RYR2: variants seen among roughly 807,000 people sequenced by gnomAD.
The protein encoded by RYR2 is cardiac muscle ryanodine receptor-calcium release channel.
In RYR2, 227 loss-of-function variants were observed where a neutral mutation model predicts 601.1. The observed-to-expected ratio is 0.38, with a 90% CI of 0.34 to 0.42. RYR2 has a LOEUF of 0.42. Ranked by LOEUF, RYR2 falls within the 10% of genes least tolerant of loss-of-function variation. The probability of loss-of-function intolerance (pLI) is 1.00; values close to 1 mark genes in which losing one functional copy is unlikely to be tolerated. For synonymous variants in RYR2, 2,223 were observed against 2,175.1 expected (o/e 1.02, Z -0.61); for missense variants, 4,646 against 6,156.5 (o/e 0.75, Z 8.21).
intron 12 of RYR2, among the ~76,000 whole-genome samples, chr1:237,434,619 T>G (rs761607657): frequency 1.3e-5 from 2 of 152,202 alleles, no homozygotes; most frequent in Non-Finnish European, 2.9e-5. Context: ...ATTTTTTAGC[T>G]TAAAATGCCA....
intron 1 of RYR2, among the ~76,000 whole-genome samples, chr1:237,119,409 CAT>C (rs1670514906): frequency 2.0e-5 from 3 of 152,102 alleles, no homozygotes; most frequent in Admixed American, 2.0e-4. Context: ...GGGAAAACTG[CAT>C]GTGTGTGTGT....
At chr1:237,222,721 C>T (rs1015764266) in intron 1 of RYR2, among the ~76,000 whole-genome samples, 3 of 151,984 alleles carry the variant, frequency 2.0e-5, no homozygotes, top group South Asian at 2.1e-4. Flanking sequence ...CCAGTAGTAC[C>T]GGCATTTTCT....
intron 101 of RYR2, among the ~76,000 whole-genome samples, chr1:237,826,920 CCCCTTCAA>C (rs2102907482): frequency 6.6e-6 from 1 of 152,308 alleles, no homozygotes; most frequent in East Asian, 1.9e-4. Flanking sequence ...TGCATCCAGA[CCCCTTCAA>C]CCACGGTGCT....
At chr1:237,178,056 TTAA>T (rs1242455278) in intron 1 of RYR2, among the ~76,000 whole-genome samples, 3 of 152,206 alleles carry the variant, frequency 2.0e-5, no homozygotes, top group Non-Finnish European at 4.4e-5. Flanking sequence ...TTGTCAGGCA[TTAA>T]TATTTTTGCT....
intron 2 of RYR2, among the ~76,000 whole-genome samples, chr1:237,301,194 A>G (rs947491285): frequency 6.6e-6 from 1 of 152,132 alleles, no homozygotes; most frequent in Non-Finnish European, 1.5e-5. Context: ...TGAAAATTCT[A>G]CTTAGAGACT....
chr1:237,243,128 C>T (rs1686385630), intron 1 of RYR2, among the ~76,000 whole-genome samples: 2 of 151,826 alleles, frequency 1.3e-5, no homozygotes, highest in South Asian at 4.2e-4. Context: ...ACACAGGAGA[C>T]TTCTGTGACC....
intron 2 of RYR2, among the ~76,000 whole-genome samples, chr1:237,319,254 T>A (rs1337028135): frequency 6.6e-6 from 1 of 152,172 alleles, no homozygotes; most frequent in Admixed American, 6.5e-5. Flanking sequence ...AACATATTTA[T>A]AATAGCCGCC....
At chr1:237,674,062 A>C (rs1393082219) in intron 58 of RYR2, 34 bp from the exon 59 acceptor site, 2 of 1,578,222 alleles carry the variant, frequency 1.3e-6, no homozygotes, top group Non-Finnish European at 1.7e-6. Context: ...TTTTCAAATT[A>C]CTATGCTGTG....
chr1:237,627,326 T>C (rs757702761), intron 40 of RYR2, among the ~76,000 whole-genome samples: 13 of 152,242 alleles, frequency 8.5e-5, no homozygotes, highest in Non-Finnish European at 1.8e-4. Flanking sequence ...AGTGAAAACA[T>C]AATTATACGT....
intron 1 of RYR2, among the ~76,000 whole-genome samples, chr1:237,181,282 C>T: frequency 6.6e-6 from 1 of 152,216 alleles, no homozygotes; most frequent in African/African-American, 2.4e-5. Context: ...CCACACCTGG[C>T]AGCTAAGCAC....
rs371314081 is a variant in RYR2, at chr1:237,264,175, C to A, written c.49-6322C>A. On this transcript the variant is annotated intron_variant, in intron 1 of 104. Coordinates refer to ENST00000366574, the MANE Select transcript of RYR2 (RefSeq NM_001035.3). Reference sequence around the variant, plus strand: ...CCCTCAACATGTCCCCATTATATCCCCCTCTTCCACTGTCGCCACCCCTGC... The same window carrying A: ...CCCTCAACATGTCCCCATTATATCCACCTCTTCCACTGTCGCCACCCCTGC... Among the ~76,000 whole-genome samples the A allele has an allele frequency of 6.6e-5, 10 of 152,180 alleles. No homozygotes were observed. The South Asian group carries it at 1.9e-3, about 28-fold the overall frequency.
chr1:237,323,032 T>A (rs1021425819), intron 2 of RYR2, among the ~76,000 whole-genome samples: 6 of 152,146 alleles, frequency 3.9e-5, no homozygotes, highest in Non-Finnish European at 8.8e-5. Context: ...AACTCTGAAT[T>A]TAGTAGTAAG....
At chr1:237,670,676 G>A (rs1346146142) in intron 58 of RYR2, among the ~76,000 whole-genome samples, 2 of 152,008 alleles carry the variant, frequency 1.3e-5, no homozygotes, top group Non-Finnish European at 2.9e-5. Context: ...AAAATAATAA[G>A]CAGCTATCTT....
intron 1 of RYR2, among the ~76,000 whole-genome samples, chr1:237,059,201 G>T (rs935893283): frequency 6.6e-6 from 1 of 152,052 alleles, no homozygotes; most frequent in East Asian, 1.9e-4. Flanking sequence ...TTGTTAAGAG[G>T]GTGCTGTGTA....
At chr1:237,417,179 G>A (rs142393787) in intron 11 of RYR2, 56 bp downstream of exon 11, 31 of 1,368,686 alleles carry the variant, frequency 2.3e-5, no homozygotes, top group South Asian at 1.3e-4. Context: ...ATAGCTCAGC[G>A]TTGTGCTTCT....
In RYR2 at chr1:237,355,837, T is replaced by A. The variant is rs10802608; in HGVS notation, c.274-128T>A. The A allele has an allele frequency of 0.21, 157,355 of 736,242 alleles. 18,278 individuals are homozygous for A. Among genetic ancestry groups the A allele is most frequent in the East Asian group, 0.4 (13,869 of 34,376 alleles). The allele number at this position is 736,242 out of a possible 1,614,324, so 45.6% of individuals were successfully genotyped here. On this transcript the variant is annotated intron_variant, in intron 3 of 104. Coordinates refer to ENST00000366574, the MANE Select transcript of RYR2 (RefSeq NM_001035.3). ...TGAAAAACTTGAATACAATTTTTTA[T>A]GCTTTAGAATTGGAAGTAGATTGTG... is the stretch of plus-strand genomic sequence containing the variant.
chr1:237,337,109 A>G (rs1360949997), intron 3 of RYR2, among the ~76,000 whole-genome samples: 1 of 151,372 alleles, frequency 6.6e-6, no homozygotes, highest in East Asian at 2.0e-4. Context: ...AAAATTAGCC[A>G]GACGTGGTGA....
At chr1:237,762,074 A>G (rs190127635) in intron 84 of RYR2, among the ~76,000 whole-genome samples, 4 of 152,326 alleles carry the variant, frequency 2.6e-5, no homozygotes, top group African/African-American at 7.2e-5. Flanking sequence ...TGCTACCACT[A>G]TGTGGCTCCC....
chr1:237,392,787 A>G (rs138482159), intron 10 of RYR2, among the ~76,000 whole-genome samples: 31 of 152,300 alleles, frequency 2.0e-4, no homozygotes, highest in Admixed American at 1.5e-3. Flanking sequence ...TTGGAAATCT[A>G]TTAAGGAAAC....
Sources: gnomAD v4.1 joint callset for allele counts (sites outside exome capture counted in the v4.1 genomes callset) on GRCh38, gnomAD v4.1.1 for gene constraint, MANE v1.5 for transcripts, NCBI Gene and HGNC (gene_info 2026-07-23, HGNC 2026-07-21) for gene names.